Variants in CMSS1 observed in about 807,000 individuals in gnomAD.
CMSS1 encodes the protein protein CMSS1.
In CMSS1, 33 loss-of-function variants were observed where a neutral mutation model predicts 43.5. The observed-to-expected ratio is 0.76, with a 90% CI of 0.57 to 1.01. The LOEUF (loss-of-function observed/expected upper bound fraction) is 1.01, where lower values mean the gene tolerates loss of function less well. Among genes scored for constraint, CMSS1 ranks in the 50% least tolerant of loss-of-function variants. The pLI is 0.00. For synonymous variants in CMSS1, 115 were observed against 117.2 expected, an observed-to-expected ratio of 0.98 and a Z score of 0.12; for missense variants, 313 against 326.4, an observed-to-expected ratio of 0.96 and a Z score of 0.32.
At chr3:100,124,150 A>C (rs926474198) in intron 1 of CMSS1, among the ~76,000 whole-genome samples, 2 of 152,116 alleles carry the variant, frequency 1.3e-5, no homozygotes, top group Admixed American at 6.5e-5. Context: ...GTTTTTTAAG[A>C]GCATCTGGTT....
intron 1 of CMSS1, among the ~76,000 whole-genome samples, chr3:99,888,956 T>C (rs991501504): frequency 1.3e-5 from 2 of 152,208 alleles, no homozygotes; most frequent in African/African-American, 4.8e-5. Flanking sequence ...TTTTTTGTCA[T>C]TGATTACATT....
At chr3:100,021,954 T>TGAGAGA (rs1177315745) in intron 1 of CMSS1, among the ~76,000 whole-genome samples, 1 of 114,348 alleles carries the variant, frequency 8.7e-6, no homozygotes, top group African/African-American at 3.3e-5. Flanking sequence ...TGTGTGTGTG[T>TGAGAGA]GTGTGTGAGA....
intron 1 of CMSS1, among the ~76,000 whole-genome samples, chr3:100,064,253 T>C (rs571228475): frequency 3.3e-5 from 5 of 152,244 alleles, no homozygotes; most frequent in Middle Eastern, 3.4e-3. Flanking sequence ...AAAGTAAACA[T>C]TTCATGAGCT....
At chr3:100,165,665 C>T (rs9875878) in intron 4 of CMSS1, among the ~76,000 whole-genome samples, 21,344 of 152,054 alleles carry the variant, frequency 0.14, 1,857 homozygotes, top group South Asian at 0.21. Flanking sequence ...GATATGGACA[C>T]CTAGGTTGCT....
chr3:100,033,752 T>G (rs1363676838), intron 1 of CMSS1, among the ~76,000 whole-genome samples: 2 of 152,242 alleles, frequency 1.3e-5, no homozygotes, highest in Non-Finnish European at 2.9e-5. Context: ...ATGTGGTGAC[T>G]CAGCCCTGTT....
intron 1 of CMSS1, among the ~76,000 whole-genome samples, chr3:100,035,243 T>C (rs2065086613): frequency 6.6e-6 from 1 of 152,188 alleles, no homozygotes; most frequent in Admixed American, 6.5e-5. Context: ...TGAATGTCCA[T>C]GCTGTGCGCA....
chr3:99,873,212 C>G (rs1705327387), intron 1 of CMSS1, among the ~76,000 whole-genome samples: 1 of 152,140 alleles, frequency 6.6e-6, no homozygotes, highest in Non-Finnish European at 1.5e-5. Flanking sequence ...TCTTTAAATC[C>G]TTATTTAAAT....
intron 1 of CMSS1, among the ~76,000 whole-genome samples, chr3:100,033,875 G>T (rs1479958223): frequency 6.6e-6 from 1 of 152,070 alleles, no homozygotes; most frequent in Non-Finnish European, 1.5e-5. Flanking sequence ...TGAACATCTA[G>T]TACAAAAGTG....
intron 1 of CMSS1, among the ~76,000 whole-genome samples, chr3:99,891,708 T>C (rs1706087950): frequency 6.6e-6 from 1 of 152,176 alleles, no homozygotes; most frequent in African/African-American, 2.4e-5. Flanking sequence ...AAAGGAAATA[T>C]TTCAAATTAA....
Position 99,909,418 on chromosome 3 carries a change from G to T in CMSS1, c.64+91375G>T, listed in dbSNP as rs1371296587. Among the ~76,000 whole-genome samples, 3 of 152,272 alleles carry T rather than the reference G, an allele frequency of 2.0e-5. No homozygotes were observed. The South Asian group carries it at 6.2e-4, about 32-fold the overall frequency. On this transcript the variant is annotated intron_variant, in intron 1 of 9. Transcript: ENST00000421999. The stretch of plus-strand genomic sequence containing the variant: ...CTTGGGTCAGGTGAGGGGGTCTGGG[G>T]TGTGGGTGGAGTCATGGTATCAAAA...
intron 1 of CMSS1, among the ~76,000 whole-genome samples, chr3:100,090,736 A>C (rs2066089665): frequency 6.6e-6 from 1 of 152,136 alleles, no homozygotes; most frequent in Admixed American, 6.5e-5. Context: ...AAACCTCTCC[A>C]TCAGAACTGC....
At chr3:99,915,839 C>T (rs1320239215) in intron 1 of CMSS1, among the ~76,000 whole-genome samples, 1 of 152,130 alleles carries the variant, frequency 6.6e-6, no homozygotes, top group Admixed American at 6.6e-5. Context: ...GTCTGTCTCC[C>T]CTATACTAAA....
chr3:100,050,135 C>T (rs975983561), intron 1 of CMSS1, among the ~76,000 whole-genome samples: 1 of 152,084 alleles, frequency 6.6e-6, no homozygotes, highest in East Asian at 1.9e-4. Context: ...GGGTAGTGTT[C>T]GGGGGCAAAT....
chr3:99,935,187 TG>T (rs1293590634), intron 1 of CMSS1, among the ~76,000 whole-genome samples: 1 of 151,970 alleles, frequency 6.6e-6, no homozygotes, highest in African/African-American at 2.4e-5. Flanking sequence ...TTAATGCATC[TG>T]TGCTTGGCCC....
rs574150700 is a variant in CMSS1, at chr3:99,983,594, G to A, written c.65-163379G>A. Among the ~76,000 whole-genome samples, 42 of 145,124 alleles carry A rather than the reference G, an allele frequency of 2.9e-4. 1 individual carries two copies. In the East Asian group the frequency reaches 8.3e-3, roughly 29 times the overall value. ...AATCCCAGCTACTTGGGAGGTTGAG[G>A]CAAGATAATTGCTTGAACCGGGGAG... is the stretch of plus-strand genomic sequence containing the variant. On this transcript the variant is annotated intron_variant, in intron 1 of 9. Transcript: ENST00000421999.
intron 1 of CMSS1, among the ~76,000 whole-genome samples, chr3:100,112,382 C>A (rs1020531465): frequency 2.0e-5 from 3 of 152,142 alleles, no homozygotes; most frequent in Admixed American, 6.6e-5. Flanking sequence ...CGGCAAGTTG[C>A]AATGGCAGTC....
At chr3:100,058,966 G>A (rs886920990) in intron 1 of CMSS1, among the ~76,000 whole-genome samples, 3 of 152,216 alleles carry the variant, frequency 2.0e-5, no homozygotes, top group African/African-American at 7.2e-5. Context: ...TTTGGTGCAA[G>A]TTCAGGAAAA....
At chr3:100,172,220 C>T (rs1006480150) in intron 7 of CMSS1, 96 bp from the exon 8 acceptor site, 2 of 1,109,858 alleles carry the variant, frequency 1.8e-6, no homozygotes, top group Non-Finnish European at 2.6e-6. Context: ...ATTTGTATTT[C>T]ACTTTCTTAA....
At chr3:100,008,239 A>G (rs961667949) in intron 1 of CMSS1, among the ~76,000 whole-genome samples, 7 of 151,910 alleles carry the variant, frequency 4.6e-5, no homozygotes, top group Non-Finnish European at 8.8e-5. Flanking sequence ...AAAGGTAACT[A>G]CTCCACCCCT....
Sources: gnomAD v4.1 joint callset for allele counts (sites outside exome capture counted in the v4.1 genomes callset) on GRCh38, gnomAD v4.1.1 for gene constraint, MANE v1.5 for transcripts, NCBI Gene and HGNC (gene_info 2026-07-23, HGNC 2026-07-21) for gene names.